The following ROBO2 variants were observed in gnomAD, a reference collection of about 807,000 sequenced individuals.
ROBO2 encodes roundabout guidance receptor 2.
In ROBO2, 53 loss-of-function variants were observed where a neutral mutation model predicts 160.8. The observed-to-expected ratio is 0.33, with a 90% CI of 0.26 to 0.41. The LOEUF (loss-of-function observed/expected upper bound fraction) is 0.41. ROBO2 is among the 10% of genes least tolerant of loss of function. ROBO2 has a pLI of 1.00. For missense variants in ROBO2, 1,577 were observed against 1,722.4 expected, an observed-to-expected ratio of 0.92 and a Z score of 1.49; for synonymous variants, 664 against 611.7, an observed-to-expected ratio of 1.09 and a Z score of -1.26.
Position 77,169,905 on chromosome 3 carries a change from G to T in ROBO2, c.388+71565G>T, listed in dbSNP as rs537400088. Reference sequence around the variant, plus strand: ...CCACTGTGGTCGTCCTGGGGTCTCTGGGGGGTGGGATGGCATCTGACAGTG... The same window carrying T: ...CCACTGTGGTCGTCCTGGGGTCTCTTGGGGGTGGGATGGCATCTGACAGTG... On this transcript the variant is annotated intron_variant, in intron 2 of 25. Coordinates refer to ENST00000461745, the Ensembl canonical transcript of ROBO2. 2.6e-4 allele frequency among the ~76,000 whole-genome samples: 39 copies of T among 152,244 alleles called. No individual in the cohort carries two copies. The South Asian group carries it at 7.9e-3, about 31-fold the overall frequency.
chr3:76,698,370 G>C (rs980683409), intron 2 of ROBO2, among the ~76,000 whole-genome samples: 2 of 152,198 alleles, frequency 1.3e-5, no homozygotes, highest in African/African-American at 2.4e-5. Context: ...AGTGAGGATA[G>C]TGACAGTGGT....
intron 18 of ROBO2, 121 bp from the exon 20 acceptor site, chr3:77,596,502 C>T: frequency 8.1e-7 from 1 of 1,236,528 alleles, no homozygotes; most frequent in Non-Finnish European, 1.2e-6. Context: ...AGGGAGTCTA[C>T]TTATATTAAT....
chr3:76,528,678 C>T (rs1217446570), intron 2 of ROBO2, among the ~76,000 whole-genome samples: 1 of 151,938 alleles, frequency 6.6e-6, no homozygotes, highest in Non-Finnish European at 1.5e-5. Flanking sequence ...ACAGGTTAGG[C>T]TGCATATGTA....
At chr3:76,508,952 T>C (rs1358704847) in intron 2 of ROBO2, among the ~76,000 whole-genome samples, 1 of 152,220 alleles carries the variant, frequency 6.6e-6, no homozygotes, top group African/African-American at 2.4e-5. Flanking sequence ...TGATCCTTTT[T>C]TATATTATAC....
chr3:76,833,334 C>A (rs1559572992), intron 2 of ROBO2, among the ~76,000 whole-genome samples: 1 of 152,042 alleles, frequency 6.6e-6, no homozygotes, highest in Non-Finnish European at 1.5e-5. Context: ...CATGCGTAGC[C>A]CCCAAAATTG....
chr3:76,773,358 C>T (rs1049925872), intron 2 of ROBO2, among the ~76,000 whole-genome samples: 1 of 150,626 alleles, frequency 6.6e-6, no homozygotes, highest in African/African-American at 2.4e-5. Context: ...TAAGAGTGGT[C>T]AGTCAGTCAT....
chr3:77,398,869 G>A (rs993356753), intron 2 of ROBO2, among the ~76,000 whole-genome samples: 2 of 152,092 alleles, frequency 1.3e-5, no homozygotes, highest in African/African-American at 2.4e-5. Context: ...ACAGGCATGA[G>A]CTACCATGCC....
intron 2 of ROBO2, among the ~76,000 whole-genome samples, chr3:76,216,045 A>T (rs182303640): frequency 1.5e-4 from 23 of 152,328 alleles, no homozygotes; most frequent in Non-Finnish European, 2.9e-4. Flanking sequence ...CCAGAATTTC[A>T]TATCCAGCCA....
chr3:77,049,140 G>A (rs1420685231), intron 1 of ROBO2, among the ~76,000 whole-genome samples: 3 of 152,008 alleles, frequency 2.0e-5, no homozygotes, highest in African/African-American at 7.2e-5. Flanking sequence ...ACCAGCCTGG[G>A]CAACATAGTG....
At chr3:76,243,938 A>G (rs1285593295) in intron 2 of ROBO2, among the ~76,000 whole-genome samples, 1 of 148,398 alleles carries the variant, frequency 6.7e-6, no homozygotes, top group South Asian at 2.1e-4. Flanking sequence ...CTTTTTTTTT[A>G]ATTTGGGAAG....
intron 2 of ROBO2, among the ~76,000 whole-genome samples, chr3:76,085,089 AC>A (rs1300221695): frequency 1.4e-5 from 2 of 146,510 alleles, no homozygotes; most frequent in Non-Finnish European, 3.0e-5. Flanking sequence ...TGTAACACAA[AC>A]CCCCCAGTTT....
chr3:76,280,127 T>G (rs2107665699), intron 2 of ROBO2, among the ~76,000 whole-genome samples: 1 of 152,148 alleles, frequency 6.6e-6, no homozygotes, highest in East Asian at 1.9e-4. Flanking sequence ...TAAGCATGAA[T>G]TCCTGAAAAG....
intron 20 of ROBO2, among the ~76,000 whole-genome samples, chr3:77,607,468 TA>T (rs2094547555): frequency 6.6e-6 from 1 of 152,178 alleles, no homozygotes; most frequent in Non-Finnish European, 1.5e-5. Flanking sequence ...ATTTGACATT[TA>T]AAAGAATTTG....
At chr3:76,349,220 A>T (rs530501852) in intron 2 of ROBO2, among the ~76,000 whole-genome samples, 4 of 152,254 alleles carry the variant, frequency 2.6e-5, no homozygotes, top group African/African-American at 9.6e-5. Context: ...TAATTGTGAA[A>T]ATAAATATCA....
At chr3:77,097,535 C>T (rs533104053) in intron 1 of ROBO2, among the ~76,000 whole-genome samples, 9 of 152,108 alleles carry the variant, frequency 5.9e-5, no homozygotes, top group Admixed American at 1.3e-4. Flanking sequence ...TTTGCCTCAT[C>T]TGTTAAATGC....
chr3:75,967,704 A>G (rs1231405855), intron 2 of ROBO2, among the ~76,000 whole-genome samples: 1 of 151,504 alleles, frequency 6.6e-6, no homozygotes, highest in Non-Finnish European at 1.5e-5. Flanking sequence ...TTTGTTTTTA[A>G]TGCATAGTTA....
chr3:76,720,819 G>A (rs981603476), intron 2 of ROBO2, among the ~76,000 whole-genome samples: 1 of 152,064 alleles, frequency 6.6e-6, no homozygotes, highest in African/African-American at 2.4e-5. Context: ...TAAAAGTATT[G>A]GAATTTATAA....
At chr3:76,796,971 G>C (rs747277886) in intron 2 of ROBO2, among the ~76,000 whole-genome samples, 6 of 152,214 alleles carry the variant, frequency 3.9e-5, no homozygotes, top group Non-Finnish European at 8.8e-5. Context: ...GAGCTAAAGA[G>C]AGAGACAGAT....
At chr3:76,766,067 C>G (rs577949171) in intron 2 of ROBO2, among the ~76,000 whole-genome samples, 1 of 151,752 alleles carries the variant, frequency 6.6e-6, no homozygotes, top group African/African-American at 2.4e-5. Flanking sequence ...TCTACCTAGT[C>G]ACATTTCTAA....
Sources: allele counts gnomAD v4.1 joint callset (sites outside exome capture counted in the v4.1 genomes callset), GRCh38; gene constraint gnomAD v4.1.1; transcripts MANE v1.5; gene names NCBI Gene and HGNC (gene_info 2026-07-23, HGNC 2026-07-21).